RRP7A: variants seen among roughly 807,000 people sequenced by gnomAD.
RRP7A encodes the protein ribosomal RNA-processing protein 7 homolog A.
In RRP7A, 27 loss-of-function variants were observed where a neutral mutation model predicts 38.4. The observed-to-expected ratio is 0.70, with a 90% confidence interval of 0.52 to 0.97. RRP7A has a LOEUF of 0.97. Among genes scored for constraint, RRP7A ranks in the 50% least tolerant of loss-of-function variants. The probability of loss-of-function intolerance (pLI) is 0.00; values close to 1 mark genes in which losing one functional copy is unlikely to be tolerated. For synonymous variants in RRP7A, 124 were observed against 150.3 expected, an observed-to-expected ratio of 0.83 and a Z score of 1.28; for missense variants, 327 against 375.4, an observed-to-expected ratio of 0.87 and a Z score of 1.07.
rs145850251 is a variant in RRP7A, at chr22:42,509,406, C to G, written c.*3504G>C. Reference sequence around the variant, plus strand: ...ATAACCAGTGAGCCCAGTCTCGACTCACTGCAACCTCTGCCTCCTGGATTC... The same window carrying G: ...ATAACCAGTGAGCCCAGTCTCGACTGACTGCAACCTCTGCCTCCTGGATTC... On this transcript the variant is annotated 3_prime_UTR_variant, in exon 7 of 7. Coordinates refer to ENST00000323013, the MANE Select transcript of RRP7A (RefSeq NM_015703.5). Among the ~76,000 whole-genome samples, 9,729 of 137,672 alleles carry G rather than the reference C, an allele frequency of 0.071. 645 individuals are homozygous for G. The highest frequency in any genetic ancestry group is 0.12 in the Admixed American group (1,565 of 13,392). 90.3% of individuals were successfully genotyped at this position (137,672 alleles called of 152,430 possible). A position where few individuals can be genotyped will look rare whatever the true frequency, so the allele number is the denominator to read the frequency against.
intron 1 of RRP7A, chr22:42,518,474 G>A (rs1473044285): frequency 9.8e-6 from 4 of 408,796 alleles, no homozygotes; most frequent in Admixed American, 6.7e-5. Flanking sequence ...GAAGCCCCGT[G>A]AGACCCTGCC....
At position 42,512,614 on chromosome 22, in the gene RRP7A, G is replaced by A; in HGVS notation, c.*296C>T. On this transcript the variant is annotated 3_prime_UTR_variant, in exon 7 of 7. Coordinates refer to ENST00000323013, the MANE Select transcript of RRP7A (RefSeq NM_015703.5). The stretch of plus-strand genomic sequence containing the variant: ...AAGGGCTTTTGCATTGAGGGAAAAG[G>A]AAGCACAGAACGGATTCATCCAGGG... 1.8e-6 allele frequency: 1 copy of A among 561,712 alleles called. No homozygotes were observed. Among genetic ancestry groups the A allele is most frequent in the Non-Finnish European group, 3.2e-6 (1 of 313,376 alleles). 34.8% of individuals were successfully genotyped at this position (561,712 alleles called of 1,614,324 possible). A position where few individuals can be genotyped will look rare whatever the true frequency, so the allele number is the denominator to read the frequency against.
chr22:42,519,671 C>T (rs1320240635), intron 1 of RRP7A, 43 bp downstream of exon 1: 1 of 1,422,684 alleles, frequency 7.0e-7, no homozygotes, highest in South Asian at 1.4e-5. Flanking sequence ...CACCTCCCGG[C>T]GATGCCTGAC....
Position 42,511,596 on chromosome 22 carries a change from G to A in RRP7A, c.*1314C>T, listed in dbSNP as rs569580546. 5.9e-4 allele frequency: 97 copies of A among 164,796 alleles called. 1 individual carries two copies. The highest frequency in any genetic ancestry group is 2.3e-3 in the African/African-American group (96 of 41,708). The allele number at this position is 164,796 out of a possible 1,614,324, so 10.2% of individuals were successfully genotyped here. A position where few individuals can be genotyped will look rare whatever the true frequency, so the allele number is the denominator to read the frequency against. Reference sequence around the variant, plus strand: ...GGATGGCCTTTGCCCGGGTTCCTGGGAGCACCTGGTGTTTTATGGTCACCT... The same window carrying A: ...GGATGGCCTTTGCCCGGGTTCCTGGAAGCACCTGGTGTTTTATGGTCACCT... On this transcript the variant is annotated 3_prime_UTR_variant, in exon 7 of 7. Coordinates refer to ENST00000323013, the MANE Select transcript of RRP7A (RefSeq NM_015703.5).
chr22:42,516,605 G>A (rs1263387361), intron 2 of RRP7A, among the ~76,000 whole-genome samples: 4 of 152,226 alleles, frequency 2.6e-5, no homozygotes, highest in African/African-American at 9.6e-5. Context: ...GAGCCACTGT[G>A]CCCGGCATAT....
At position 42,514,358 on chromosome 22, in the gene RRP7A, C is replaced by T. The variant is rs147316795; in HGVS notation, c.559-54G>A. 5.3e-3 allele frequency: 7,255 copies of T among 1,363,264 alleles called. 332 individuals carry two copies. The African/African-American group carries it at 0.089, about 17-fold the overall frequency. The allele number at this position is 1,363,264 out of a possible 1,614,324, so 84.4% of individuals were successfully genotyped here. A position where few individuals can be genotyped will look rare whatever the true frequency, so the allele number is the denominator to read the frequency against. On this transcript the variant is annotated intron_variant, in intron 5 of 6. Transcript: ENST00000323013. ...TGGGACCTCCTGCAGCCTCCAGCAGCGCGCCCTCCACGCCCTCCTCCCAAA... is the reference window on the plus strand; with the variant it reads ...TGGGACCTCCTGCAGCCTCCAGCAGTGCGCCCTCCACGCCCTCCTCCCAAA...
chr22:42,519,620 C>A, intron 1 of RRP7A, 94 bp downstream of exon 1: 2 of 1,098,538 alleles, frequency 1.8e-6, no homozygotes, highest in Admixed American at 4.1e-5. Context: ...CCCAACCGTG[C>A]GGCCGCTCCT....
Position 42,508,545 on chromosome 22 carries a change from T to C in RRP7A, c.*4365A>G, listed in dbSNP as rs3174915. ...GGGCAGGCAGGGCCGCGGAGGAGGC[T>C]GGCTGGGGCCATCACGGAGTGCCCA... On this transcript the variant is annotated 3_prime_UTR_variant, in exon 7 of 7. Coordinates refer to ENST00000323013, the MANE Select transcript of RRP7A (RefSeq NM_015703.5). Among the ~76,000 whole-genome samples, 39,553 of 150,806 alleles carry C rather than the reference T, an allele frequency of 0.26. 5,433 individuals carry two copies. The highest frequency in any genetic ancestry group is 0.42 in the African/African-American group (17,323 of 40,834).
At chr22:42,514,029 A>C in intron 6 of RRP7A, 77 bp downstream of exon 6, 2 of 1,326,898 alleles carry the variant, frequency 1.5e-6, no homozygotes, top group South Asian at 1.3e-5. Flanking sequence ...GCCCGCCCTC[A>C]GGAGCACTGG....
In RRP7A at chr22:42,517,286, A is replaced by T. The variant is rs4999909; in HGVS notation, c.216+719T>A. On this transcript the variant is annotated intron_variant, in intron 2 of 6. Transcript: ENST00000323013. ...AGACTCTGTCTCAAAATAAATAAAT[A>T]AATTAAATAAATAAATAAATAAATA... is the stretch of plus-strand genomic sequence containing the variant. Among the ~76,000 whole-genome samples the T allele has an allele frequency of 6.8e-3, 557 of 82,342 alleles. 3 individuals carry two copies. In the East Asian group the frequency reaches 0.17, roughly 26 times the overall value. 54.0% of individuals were successfully genotyped at this position (82,342 alleles called of 152,430 possible).
chr22:42,517,167 G>A, intron 2 of RRP7A, among the ~76,000 whole-genome samples: 1 of 151,816 alleles, frequency 6.6e-6, no homozygotes, highest in South Asian at 2.1e-4. Context: ...AATTCCAGCT[G>A]CTTGGGAGGC....
At position 42,509,223 on chromosome 22, in the gene RRP7A, G is replaced by C; in HGVS notation, c.*3687C>G. On this transcript the variant is annotated 3_prime_UTR_variant, in exon 7 of 7. Coordinates refer to ENST00000323013, the MANE Select transcript of RRP7A (RefSeq NM_015703.5). ...AAGTTCTCTGCGTGTCGACCACATC[G>C]CTAAGACTCAAGATCTTTTTTGGGA... 6.5e-7 allele frequency: 1 copy of C among 1,543,060 alleles called. No homozygotes were observed. The highest frequency in any genetic ancestry group is 1.2e-5 in the South Asian group (1 of 85,170).
rs878905167 is a variant in RRP7A at position 42,508,744 on chromosome 22, A to T, written c.*4166T>A. 1.2e-4 allele frequency among the ~76,000 whole-genome samples: 18 copies of T among 152,332 alleles called. No homozygotes were observed. Among genetic ancestry groups the T allele is most frequent in the Non-Finnish European group, 2.4e-4 (16 of 68,036 alleles). ...CCAACTCACTTCTCTGACTTTAATCACACAGCCATACCTGGTGGCAAAGGA... is the reference window on the plus strand; with the variant it reads ...CCAACTCACTTCTCTGACTTTAATCTCACAGCCATACCTGGTGGCAAAGGA... On this transcript the variant is annotated 3_prime_UTR_variant, in exon 7 of 7. Transcript: ENST00000323013.
Position 42,510,554 on chromosome 22 carries a change from C to T in RRP7A, c.*2356G>A, listed in dbSNP as rs1932424918. On this transcript the variant is annotated 3_prime_UTR_variant, in exon 7 of 7. Coordinates refer to ENST00000323013, the MANE Select transcript of RRP7A (RefSeq NM_015703.5). ...TTTGGTTTCTCCTCAGAGGCCTGAA[C>T]CCAGGGCAGGATGGGGGCACCGCTG... 1 of 550,316 alleles carries T rather than the reference C, an allele frequency of 1.8e-6. No homozygotes were observed. Among genetic ancestry groups the T allele is most frequent in the South Asian group, 3.0e-5 (1 of 33,114 alleles). The allele number at this position is 550,316 out of a possible 1,614,324, so 34.1% of individuals were successfully genotyped here.
At position 42,514,304 on chromosome 22, in the gene RRP7A, C is replaced by G. The variant is rs61731837; in HGVS notation, c.559G>C (p.Glu187Gln). ...TCCTCCTCCTTGGCCTTAGCTTCTT[C>G]CTGCAAGGAAGGTGATCCCATCCTC... ...MEAYDQKIAE[E>Q]EAKAKEEEGV... Residue 187 changes from glutamate (E) to glutamine (Q), a missense_variant and splice_region_variant, in exon 6 of 7, where the codon GAA becomes CAA. By Grantham distance (29) the Glu-to-Gln change is conservative (BLOSUM62 2). Transcript: ENST00000323013. The G allele has an allele frequency of 9.5e-5, 148 of 1,564,670 alleles. 2 individuals are homozygous for G. In the African/African-American group the frequency reaches 1.8e-3, roughly 19 times the overall value.
Position 42,511,444 on chromosome 22 carries a change from G to C in RRP7A, c.*1466C>G, listed in dbSNP as rs1932458873. 6.5e-6 allele frequency: 1 copy of C among 152,984 alleles called. No homozygotes were observed. Among genetic ancestry groups the C allele is most frequent in the African/African-American group, 2.4e-5 (1 of 41,476 alleles). The allele number at this position is 152,984 out of a possible 1,614,324, so 9.5% of individuals were successfully genotyped here. A position where few individuals can be genotyped will look rare whatever the true frequency, so the allele number is the denominator to read the frequency against. ...CCCACCTTGGCCTCCCAAAGTGCTGGTTTTGCAGATGGGAGCCACCATGCC... is the reference window on the plus strand; with the variant it reads ...CCCACCTTGGCCTCCCAAAGTGCTGCTTTTGCAGATGGGAGCCACCATGCC... On this transcript the variant is annotated 3_prime_UTR_variant, in exon 7 of 7. Transcript: ENST00000323013.
chr22:42,517,909 T>C (rs1316915738), intron 2 of RRP7A, 96 bp downstream of exon 2: 12 of 1,410,986 alleles, frequency 8.5e-6, no homozygotes, highest in Admixed American at 8.4e-5. Context: ...GGGGCTCCCA[T>C]TAGCTGTGTC....
Position 42,518,280 on chromosome 22 carries a change from A to AC in RRP7A, c.74-134dup, listed in dbSNP as rs1342974370. ...CATCGATCCATCCATCCCTTCACCA[A>AC]CCCCCCTTACCCTACTCTTTGGCAA... On this transcript the variant is annotated intron_variant, in intron 1 of 6. Coordinates refer to ENST00000323013, the MANE Select transcript of RRP7A (RefSeq NM_015703.5). The AC allele has an allele frequency of 6.5e-5, 50 of 770,078 alleles. No homozygotes were observed. The East Asian group carries it at 9.1e-4, about 14-fold the overall frequency. The allele number at this position is 770,078 out of a possible 1,614,324, so 47.7% of individuals were successfully genotyped here.
rs1245929423 is a variant in RRP7A, at chr22:42,511,747, G to C, written c.*1163C>G. The C allele has an allele frequency of 5.1e-6, 1 of 195,594 alleles. No individual in the cohort carries two copies. The highest frequency in any genetic ancestry group is 1.1e-5 in the Non-Finnish European group (1 of 94,862). The allele number at this position is 195,594 out of a possible 1,614,324, so 12.1% of individuals were successfully genotyped here. ...GAGCCAAGGCAGGCAGGGCCTTCCTGTCTGGCTTCTTGAAGGCAGACACAA... is the reference window on the plus strand; with the variant it reads ...GAGCCAAGGCAGGCAGGGCCTTCCTCTCTGGCTTCTTGAAGGCAGACACAA... On this transcript the variant is annotated 3_prime_UTR_variant, in exon 7 of 7. Transcript: ENST00000323013.
Sources: allele counts gnomAD v4.1 joint callset (sites outside exome capture counted in the v4.1 genomes callset), GRCh38; gene constraint gnomAD v4.1.1; transcripts MANE v1.5; gene names NCBI Gene and HGNC (gene_info 2026-07-23, HGNC 2026-07-21).